XCR1: variants seen among roughly 807,000 people sequenced by gnomAD.
XCR1 encodes the protein X-C motif chemokine receptor 1.
For synonymous variants in XCR1, 187 were observed against 188.5 expected (o/e 0.99, Z 0.06); for missense variants, 356 against 424.2 (o/e 0.84, Z 1.41).
Position 46,020,727 on chromosome 3 carries a change from G to T in XCR1, c.*219C>A, listed in dbSNP as rs1027381828. On this transcript the variant is annotated 3_prime_UTR_variant, in exon 2 of 2. Transcript: ENST00000309285. Reference sequence around the variant, plus strand: ...CTCAGAGTTCAAGAAATGTTTTTTTGGATGGCAGTATAAAATTCCCAGGTA... The same window carrying T: ...CTCAGAGTTCAAGAAATGTTTTTTTTGATGGCAGTATAAAATTCCCAGGTA... 3 of 598,342 alleles carry T rather than the reference G, an allele frequency of 5.0e-6. No individual in the cohort carries two copies. The African/African-American group carries it at 5.6e-5, about 11-fold the overall frequency. The allele number at this position is 598,342 out of a possible 1,614,324, so 37.1% of individuals were successfully genotyped here.
chr3:46,081,830 A>G (rs1698370813), intron 1 of XCR1, among the ~76,000 whole-genome samples: 1 of 151,918 alleles, frequency 6.6e-6, no homozygotes, highest in South Asian at 2.1e-4. Context: ...CCCAATAGTT[A>G]GTTTTTCAGC....
upstream of XCR1, among the ~76,000 whole-genome samples, chr3:46,028,035 C>T (rs1321848908): frequency 1.3e-5 from 2 of 152,214 alleles, no homozygotes; most frequent in Non-Finnish European, 2.9e-5. Context: ...ATAAACCAAT[C>T]AGCACGTATT....
intron 4 of XCR1, among the ~76,000 whole-genome samples, chr3:46,054,116 G>A (rs574234022): frequency 1.3e-5 from 2 of 152,308 alleles, no homozygotes; most frequent in African/African-American, 4.8e-5. Context: ...AAAGACAAAA[G>A]AGCATATTTG....
At chr3:46,048,291 C>T (rs140761084) in intron 5 of XCR1, among the ~76,000 whole-genome samples, 16 of 152,210 alleles carry the variant, frequency 1.1e-4, no homozygotes, top group Non-Finnish European at 2.1e-4. Context: ...GGAACATATG[C>T]CTAATATGTT....
At chr3:46,031,655 G>C (rs1246047580), upstream of XCR1, among the ~76,000 whole-genome samples, 1 of 152,186 alleles carries the variant, frequency 6.6e-6, no homozygotes, top group Non-Finnish European at 1.5e-5. Flanking sequence ...CCTTCAAGCT[G>C]GGGAAGGCCT....
intron 4 of XCR1, among the ~76,000 whole-genome samples, chr3:46,060,328 T>G (rs1481401259): frequency 6.6e-6 from 1 of 152,200 alleles, no homozygotes; most frequent in Non-Finnish European, 1.5e-5. Flanking sequence ...TGAACTCGGT[T>G]GTAGTTCTCC....
upstream of XCR1, among the ~76,000 whole-genome samples, chr3:46,032,057 T>A (rs1708405177): frequency 6.6e-6 from 1 of 152,236 alleles, no homozygotes; most frequent in Admixed American, 6.5e-5. Context: ...TTCATCTTGT[T>A]CATGCTGCAC....
chr3:46,069,363 A>T (rs1698128798), intron 3 of XCR1, among the ~76,000 whole-genome samples: 1 of 152,216 alleles, frequency 6.6e-6, no homozygotes, highest in South Asian at 2.1e-4. Context: ...ACCAAATAAA[A>T]AAAGAAAGAC....
Position 46,068,533 on chromosome 3 carries a change from T to A in XCR1, c.-262-1555A>T, listed in dbSNP as rs189611915. 4.6e-5 allele frequency among the ~76,000 whole-genome samples: 7 copies of A among 152,326 alleles called. No homozygotes were observed. The East Asian group carries it at 9.6e-4, about 21-fold the overall frequency. ...ATGGTGGGAAGTTGGGGAAGTGTTGTCAACTTACAATAAATGCAGTTTGTC... is the reference window on the plus strand; with the variant it reads ...ATGGTGGGAAGTTGGGGAAGTGTTGACAACTTACAATAAATGCAGTTTGTC... On this transcript the variant is annotated intron_variant, in intron 3 of 5. Transcript: ENST00000683768.
At chr3:46,043,920 CT>C (rs1206429091) in intron 5 of XCR1, among the ~76,000 whole-genome samples, 2 of 152,132 alleles carry the variant, frequency 1.3e-5, no homozygotes, top group African/African-American at 4.8e-5. Context: ...CTTGCCAACA[CT>C]TGTTGTTTTC....
At chr3:46,061,164 A>G (rs990819852) in intron 4 of XCR1, among the ~76,000 whole-genome samples, 1 of 152,184 alleles carries the variant, frequency 6.6e-6, no homozygotes, top group African/African-American at 2.4e-5. Context: ...GTAAGTGTCT[A>G]TTCCAGTAAG....
chr3:46,063,203 T>G (rs974814952), intron 4 of XCR1, among the ~76,000 whole-genome samples: 3 of 152,194 alleles, frequency 2.0e-5, no homozygotes, highest in Non-Finnish European at 4.4e-5. Flanking sequence ...AGAGACCATT[T>G]ACAAAGGTGT....
rs191024488 is a variant in XCR1 at position 46,034,278 on chromosome 3, G to T, written c.-31-12300C>A. On this transcript the variant is annotated intron_variant, in intron 5 of 5. Coordinates refer to the XCR1 transcript ENST00000683768. ...TGAGCCACTGCACCTGGCCATTGCTGGTATTTAGAAGAGCCAAGTCTTTTG... is the reference window on the plus strand; with the variant it reads ...TGAGCCACTGCACCTGGCCATTGCTTGTATTTAGAAGAGCCAAGTCTTTTG... Among the ~76,000 whole-genome samples the T allele has an allele frequency of 2.1e-3, 315 of 152,206 alleles. 2 individuals are homozygous for T. The highest frequency in any genetic ancestry group is 1.8e-3 in the Non-Finnish European group (125 of 68,002).
At chr3:46,028,198 G>A (rs960841511), upstream of XCR1, among the ~76,000 whole-genome samples, 10 of 151,862 alleles carry the variant, frequency 6.6e-5, no homozygotes, top group Non-Finnish European at 1.2e-4. Flanking sequence ...TATTTTTCTT[G>A]GTCGTGGGAC....
chr3:46,084,959 T>A (rs1421295566), intron 1 of XCR1, among the ~76,000 whole-genome samples: 11 of 141,660 alleles, frequency 7.8e-5, no homozygotes, highest in African/African-American at 2.5e-4. Flanking sequence ...AAAAGTTGGA[T>A]TTTTTTTTTA....
In XCR1 at chr3:46,022,884, C is replaced by A. The variant is rs923596587; in HGVS notation, c.-31-906G>T. 2.0e-5 allele frequency among the ~76,000 whole-genome samples: 3 copies of A among 151,628 alleles called. No homozygotes were observed. The South Asian group carries it at 6.3e-4, about 32-fold the overall frequency. ...ATCAAGCAGCTGCCTGTGAGAGGGG[C>A]CACATGTTGGAATTTGTAAATATGT... On this transcript the variant is annotated intron_variant, in intron 1 of 1. Coordinates refer to ENST00000309285, the MANE Select transcript of XCR1 (RefSeq NM_001024644.2).
chr3:46,022,056 T>G, intron 1 of XCR1, 78 bp from the exon 2 acceptor site: 2 of 1,293,964 alleles, frequency 1.5e-6, no homozygotes, highest in Non-Finnish European at 2.1e-6. Flanking sequence ...CCTAGCACTT[T>G]GGAAAGGCCA....
At chr3:46,040,130 A>G (rs1697512076) in intron 5 of XCR1, among the ~76,000 whole-genome samples, 1 of 152,324 alleles carries the variant, frequency 6.6e-6, no homozygotes, top group African/African-American at 2.4e-5. Context: ...GTAAAACCAC[A>G]GAAGAACAAA....
intron 3 of XCR1, among the ~76,000 whole-genome samples, chr3:46,072,641 T>C (rs114183832): frequency 6.1e-4 from 93 of 152,236 alleles, no homozygotes; most frequent in African/African-American, 2.2e-3. Flanking sequence ...AGGACAAATA[T>C]CTCATGTTCA....
Sources: allele counts gnomAD v4.1 joint callset (sites outside exome capture counted in the v4.1 genomes callset), GRCh38; gene constraint gnomAD v4.1.1; transcripts MANE v1.5; gene names NCBI Gene and HGNC (gene_info 2026-07-23, HGNC 2026-07-21).